SLC4A4: variants seen among roughly 807,000 people sequenced by gnomAD.
SLC4A4 encodes the protein electrogenic sodium bicarbonate cotransporter 1.
Under a neutral mutation model 111.5 loss-of-function variants are expected in SLC4A4, and 27 were observed. That is an observed-to-expected ratio of 0.24 (90% CI 0.18 to 0.33). The LOEUF is 0.33. SLC4A4 is among the 10% of genes least tolerant of loss of function. The probability of loss-of-function intolerance (pLI) is 1.00; values close to 1 mark genes in which losing one functional copy is unlikely to be tolerated. For synonymous variants in SLC4A4, 443 were observed against 463.4 expected (o/e 0.96, Z 0.57); for missense variants, 909 against 1,315.5 (o/e 0.69, Z 4.78).
intron 3 of SLC4A4, among the ~76,000 whole-genome samples, chr4:71,260,297 T>C (rs1019254692): frequency 1.3e-5 from 2 of 152,208 alleles, no homozygotes; most frequent in Admixed American, 6.5e-5. Flanking sequence ...CCTCCCAACC[T>C]GACCTCATAC....
At chr4:71,509,837 T>C (rs1421656821) in intron 16 of SLC4A4, among the ~76,000 whole-genome samples, 1 of 152,126 alleles carries the variant, frequency 6.6e-6, no homozygotes, top group Non-Finnish European at 1.5e-5. Flanking sequence ...TACTGTTGGT[T>C]CTATGCTTTG....
At chr4:71,271,149 G>A (rs1332094387) in intron 3 of SLC4A4, among the ~76,000 whole-genome samples, 1 of 152,072 alleles carries the variant, frequency 6.6e-6, no homozygotes, top group Non-Finnish European at 1.5e-5. Flanking sequence ...TCACTTCTCT[G>A]ATTATAAAAA....
chr4:71,292,842 G>GTTTTTT (rs869195687), intron 3 of SLC4A4, among the ~76,000 whole-genome samples: 4 of 110,182 alleles, frequency 3.6e-5, no homozygotes, highest in Non-Finnish European at 5.3e-5. Flanking sequence ...GGTTTTTTTT[G>GTTTTTT]TTTTTTTTTT....
chr4:71,308,479 C>G, intron 3 of SLC4A4, among the ~76,000 whole-genome samples: 1 of 152,090 alleles, frequency 6.6e-6, no homozygotes, highest in East Asian at 1.9e-4. Flanking sequence ...CCCAGCGAGA[C>G]CAATGCAGAA....
At chr4:71,261,591 A>G (rs898053104) in intron 3 of SLC4A4, among the ~76,000 whole-genome samples, 7 of 152,200 alleles carry the variant, frequency 4.6e-5, no homozygotes, top group Non-Finnish European at 1.0e-4. Flanking sequence ...GCTGATGAAT[A>G]CAAGAGGACT....
chr4:71,548,375 A>G (rs892441724), intron 20 of SLC4A4, among the ~76,000 whole-genome samples: 1 of 151,916 alleles, frequency 6.6e-6, no homozygotes, highest in Non-Finnish European at 1.5e-5. Flanking sequence ...GATGGGTTGG[A>G]TATCTGCCTA....
chr4:71,090,895 C>T lies in SLC4A4; in HGVS notation c.-64-1835C>T, dbSNP rs146573465. ...TTGGGCCAAATAAGGGTACTGAATA[C>T]AAGGAGAATTCACACAGAAGGTCGT... On this transcript the variant is annotated intron_variant, in intron 1 of 26. Coordinates refer to the SLC4A4 transcript ENST00000649996. Among the ~76,000 whole-genome samples, 17 of 152,266 alleles carry T rather than the reference C, an allele frequency of 1.1e-4. No individual in the cohort carries two copies. In the East Asian group the frequency reaches 1.7e-3, roughly 16 times the overall value.
intron 14 of SLC4A4, among the ~76,000 whole-genome samples, chr4:71,485,277 T>C (rs752266475): frequency 3.3e-5 from 5 of 151,636 alleles, no homozygotes; most frequent in Non-Finnish European, 5.9e-5. Flanking sequence ...GTTTGTCATA[T>C]ATGTCTCTTA....
intron 17 of SLC4A4, among the ~76,000 whole-genome samples, chr4:71,533,699 C>G (rs989928361): frequency 6.6e-6 from 1 of 151,808 alleles, no homozygotes; most frequent in Non-Finnish European, 1.5e-5. Context: ...TATATAAAAA[C>G]AGTTATGGCT....
intron 3 of SLC4A4, among the ~76,000 whole-genome samples, chr4:71,319,467 T>A (rs1320673161): frequency 6.6e-6 from 1 of 152,028 alleles, no homozygotes; most frequent in Non-Finnish European, 1.5e-5. Context: ...ATACTGCTAG[T>A]TAGTGCTCAC....
chr4:71,284,518 A>G (rs1723757404), intron 3 of SLC4A4, among the ~76,000 whole-genome samples: 1 of 152,206 alleles, frequency 6.6e-6, no homozygotes, highest in African/African-American at 2.4e-5. Flanking sequence ...TCCACATAAC[A>G]TCCCTTGAAA....
intron 3 of SLC4A4, among the ~76,000 whole-genome samples, chr4:71,325,333 A>G (rs1391682420): frequency 6.6e-6 from 1 of 152,032 alleles, no homozygotes; most frequent in East Asian, 1.9e-4. Flanking sequence ...ATGGAATAAT[A>G]GGAGGGTATA....
chr4:71,066,757 A>G (rs543940907), intron 1 of SLC4A4, among the ~76,000 whole-genome samples: 3 of 152,326 alleles, frequency 2.0e-5, no homozygotes, highest in African/African-American at 7.2e-5. Flanking sequence ...TACTGAAGAA[A>G]CTATTGCTGA....
intron 2 of SLC4A4, among the ~76,000 whole-genome samples, chr4:71,244,536 A>G (rs1176702518): frequency 2.0e-5 from 3 of 152,194 alleles, no homozygotes; most frequent in Non-Finnish European, 4.4e-5. Flanking sequence ...CTAGGAATAT[A>G]AGTAAAGCAA....
At chr4:71,532,987 T>C (rs564401478) in intron 17 of SLC4A4, among the ~76,000 whole-genome samples, 1 of 152,252 alleles carries the variant, frequency 6.6e-6, no homozygotes, top group Admixed American at 6.5e-5. Flanking sequence ...TACATTCCAG[T>C]CATTCCTAAA....
chr4:71,263,277 A>C (rs1722002136), intron 3 of SLC4A4, among the ~76,000 whole-genome samples: 1 of 152,186 alleles, frequency 6.6e-6, no homozygotes, highest in South Asian at 2.1e-4. Flanking sequence ...TTATGAACTC[A>C]TAATAACTTC....
intron 5 of SLC4A4, among the ~76,000 whole-genome samples, chr4:71,354,537 T>C (rs1027206947): frequency 6.6e-6 from 1 of 152,228 alleles, no homozygotes; most frequent in East Asian, 1.9e-4. Flanking sequence ...GAAACATATA[T>C]TATCTTAGTT....
chr4:71,424,983 AG>A (rs1722982395), intron 7 of SLC4A4, among the ~76,000 whole-genome samples: 2 of 151,612 alleles, frequency 1.3e-5, no homozygotes, highest in Non-Finnish European at 2.9e-5. Context: ...TAAAACTTAA[AG>A]TATAATAATA....
intron 2 of SLC4A4, among the ~76,000 whole-genome samples, chr4:71,147,140 G>T (rs1368498517): frequency 1.3e-5 from 2 of 152,172 alleles, no homozygotes; most frequent in Non-Finnish European, 2.9e-5. Context: ...AAGAGACAAA[G>T]AAGGCCATTA....
Sources: gnomAD v4.1 joint callset for allele counts (sites outside exome capture counted in the v4.1 genomes callset) on GRCh38, gnomAD v4.1.1 for gene constraint, MANE v1.5 for transcripts, NCBI Gene and HGNC (gene_info 2026-07-23, HGNC 2026-07-21) for gene names.